The following SLC24A3 variants were observed in gnomAD, a reference collection of about 807,000 sequenced individuals.
SLC24A3 encodes the protein sodium/potassium/calcium exchanger 3.
A neutral mutation model predicts 75.8 loss-of-function variants in SLC24A3; 28 were observed. The observed-to-expected ratio is 0.37, with a 90% confidence interval of 0.27 to 0.51. The LOEUF is 0.51. Among genes scored for constraint, SLC24A3 ranks in the 20% least tolerant of loss-of-function variants. The pLI, the probability that SLC24A3 is intolerant of heterozygous loss-of-function variation, is 0.94. For synonymous variants in SLC24A3, 372 were observed against 334.1 expected (o/e 1.11, Z -1.24); for missense variants, 663 against 847.8 (o/e 0.78, Z 2.71).
intron 12 of SLC24A3, among the ~76,000 whole-genome samples, chr20:19,692,399 G>C (rs1408072646): frequency 1.3e-5 from 2 of 152,170 alleles, no homozygotes; most frequent in African/African-American, 4.8e-5. Flanking sequence ...CCGCCATATG[G>C]ATAACAAATC....
chr20:19,508,700 G>A (rs1023132324), intron 2 of SLC24A3, among the ~76,000 whole-genome samples: 1 of 152,226 alleles, frequency 6.6e-6, no homozygotes, highest in Admixed American at 6.5e-5. Flanking sequence ...AGGCCCCCAG[G>A]GCTGGCGGGA....
intron 2 of SLC24A3, among the ~76,000 whole-genome samples, chr20:19,330,187 C>T: frequency 6.6e-6 from 1 of 152,158 alleles, no homozygotes; most frequent in Admixed American, 6.5e-5. Context: ...TGTCTCCTGG[C>T]CAGAGGTTTC....
chr20:19,603,930 T>A (rs2122655855), intron 6 of SLC24A3, among the ~76,000 whole-genome samples: 1 of 152,298 alleles, frequency 6.6e-6, no homozygotes, highest in East Asian at 1.9e-4. Flanking sequence ...CACGTGTCTC[T>A]GTAAGGGCTT....
chr20:19,427,087 GTC>G (rs1181177013), intron 2 of SLC24A3, among the ~76,000 whole-genome samples: 1 of 152,032 alleles, frequency 6.6e-6, no homozygotes, highest in Non-Finnish European at 1.5e-5. Context: ...GTGTGCGTGT[GTC>G]TCTGTGTGCA....
At chr20:19,667,588 T>C in intron 8 of SLC24A3, among the ~76,000 whole-genome samples, 1 of 152,158 alleles carries the variant, frequency 6.6e-6, no homozygotes, top group East Asian at 1.9e-4. Context: ...ATCTCAGAAA[T>C]GTGTGTGCAG....
intron 6 of SLC24A3, among the ~76,000 whole-genome samples, chr20:19,651,879 C>T (rs1425182112): frequency 7.6e-6 from 1 of 130,936 alleles, no homozygotes; most frequent in South Asian, 2.4e-4. Flanking sequence ...AAAAAAAAAT[C>T]CATGTCCTTA....
chr20:19,338,863 T>C (rs1194821550), intron 2 of SLC24A3, among the ~76,000 whole-genome samples: 4 of 152,236 alleles, frequency 2.6e-5, no homozygotes, highest in Non-Finnish European at 5.9e-5. Flanking sequence ...GCACGATTAT[T>C]TTTATGACTC....
chr20:19,539,234 G>T (rs2030454454), intron 3 of SLC24A3, among the ~76,000 whole-genome samples: 1 of 152,144 alleles, frequency 6.6e-6, no homozygotes, highest in African/African-American at 2.4e-5. Context: ...CAATTAGAAG[G>T]AAACATAACA....
intron 1 of SLC24A3, among the ~76,000 whole-genome samples, chr20:19,229,606 A>C (rs1327493627): frequency 2.1e-5 from 2 of 94,372 alleles, no homozygotes; most frequent in Non-Finnish European, 3.8e-5. Context: ...AAGTTGTTGG[A>C]GTGTGTGTGT....
At chr20:19,311,525 T>C (rs965260945) in intron 2 of SLC24A3, among the ~76,000 whole-genome samples, 1 of 152,114 alleles carries the variant, frequency 6.6e-6, no homozygotes, top group Admixed American at 6.5e-5. Flanking sequence ...TGATCAATGC[T>C]GTACTACAGG....
intron 9 of SLC24A3, among the ~76,000 whole-genome samples, chr20:19,677,308 A>C (rs927265599): frequency 1.3e-5 from 2 of 151,972 alleles, no homozygotes; most frequent in African/African-American, 2.4e-5. Flanking sequence ...AAAAAAAAAA[A>C]AGCAAACCTT....
chr20:19,238,168 C>T (rs201046694), intron 1 of SLC24A3, among the ~76,000 whole-genome samples: 2 of 152,084 alleles, frequency 1.3e-5, no homozygotes, highest in East Asian at 1.9e-4. Flanking sequence ...ATGGTCCTTC[C>T]GAGTCACCCC....
chr20:19,710,996 T>A (rs2032980907), intron 15 of SLC24A3, among the ~76,000 whole-genome samples: 1 of 152,078 alleles, frequency 6.6e-6, no homozygotes, highest in African/African-American at 2.4e-5. Flanking sequence ...CTCTTGCCCT[T>A]TGCTATGCAG....
At chr20:19,477,201 C>T (rs1009403057) in intron 2 of SLC24A3, among the ~76,000 whole-genome samples, 2 of 152,010 alleles carry the variant, frequency 1.3e-5, no homozygotes, top group South Asian at 2.1e-4. Flanking sequence ...CAGATGGCAA[C>T]GAGGTGAGGA....
At chr20:19,658,338 C>T (rs1352276096) in intron 7 of SLC24A3, among the ~76,000 whole-genome samples, 1 of 152,146 alleles carries the variant, frequency 6.6e-6, no homozygotes, top group African/African-American at 2.4e-5. Context: ...CTGATGCGGG[C>T]GGGGCATGCC....
At chr20:19,706,045 A>G (rs897602540) in intron 15 of SLC24A3, among the ~76,000 whole-genome samples, 1 of 152,314 alleles carries the variant, frequency 6.6e-6, no homozygotes, top group South Asian at 2.1e-4. Flanking sequence ...ATTTCTAGCT[A>G]GGGCTTAGAA....
intron 2 of SLC24A3, among the ~76,000 whole-genome samples, chr20:19,429,134 C>G (rs928941681): frequency 2.0e-5 from 3 of 152,226 alleles, no homozygotes; most frequent in African/African-American, 7.2e-5. Flanking sequence ...TTACTAAATG[C>G]AAAAGAGGTA....
chr20:19,599,781 C>T (rs2031501987), intron 6 of SLC24A3, among the ~76,000 whole-genome samples: 1 of 152,106 alleles, frequency 6.6e-6, no homozygotes, highest in South Asian at 2.1e-4. Context: ...CAGAATGAAG[C>T]GTGGGAAGAC....
At chr20:19,341,659 C>T (rs1036369866) in intron 2 of SLC24A3, among the ~76,000 whole-genome samples, 1 of 152,226 alleles carries the variant, frequency 6.6e-6, no homozygotes, top group Non-Finnish European at 1.5e-5. Flanking sequence ...CCCAGGAACG[C>T]TAATTTGGCA....
Sources: gnomAD v4.1 joint callset for allele counts (sites outside exome capture counted in the v4.1 genomes callset) on GRCh38, gnomAD v4.1.1 for gene constraint, MANE v1.5 for transcripts, NCBI Gene and HGNC (gene_info 2026-07-23, HGNC 2026-07-21) for gene names.